Variants in VPS11 observed in about 807,000 individuals in gnomAD.
VPS11 encodes vacuolar protein sorting-associated protein 11 homolog.
Under a neutral mutation model 106.8 loss-of-function variants are expected in VPS11, and 51 were observed. The ratio of observed to expected loss-of-function variants is 0.48; its 90% confidence interval spans 0.38 to 0.60. The LOEUF is 0.60. Ranked by LOEUF, VPS11 falls within the 20% of genes least tolerant of loss-of-function variation. The pLI is 0.00. For missense variants in VPS11, 950 were observed against 1,190.0 expected (o/e 0.80, Z 2.97); for synonymous variants, 453 against 458.7 (o/e 0.99, Z 0.16).
At chr11:119,078,436 C>T in intron 11 of VPS11, 102 bp downstream of exon 11, 2 of 1,569,830 alleles carry the variant, frequency 1.3e-6, no homozygotes, top group Non-Finnish European at 1.7e-6. Flanking sequence ...CCAGTAACAC[C>T]TTACCTCGGG....
chr11:119,077,743 A>T lies in VPS11; in HGVS notation c.1572+96A>T, dbSNP rs782420048. On this transcript the variant is annotated intron_variant, in intron 9 of 15. Coordinates refer to ENST00000621676, the MANE Select transcript of VPS11 (RefSeq NM_021729.6). ...TGGGCTCAGGTGATCCTCCCACCCCATCCTCCTGAGTGGAGGTGAGACTCT... is the reference window on the plus strand; with the variant it reads ...TGGGCTCAGGTGATCCTCCCACCCCTTCCTCCTGAGTGGAGGTGAGACTCT... The T allele has an allele frequency of 2.0e-4, 303 of 1,538,416 alleles. 1 individual carries two copies. Among genetic ancestry groups the T allele is most frequent in the Non-Finnish European group, 4.6e-5 (52 of 1,138,350 alleles).
chr11:119,072,740 G>C (rs1945448053), intron 5 of VPS11: 1 of 163,012 alleles, frequency 6.1e-6, no homozygotes, highest in East Asian at 1.8e-4. Flanking sequence ...AGAGGAACAA[G>C]GGATTCAGCA....
intron 5 of VPS11, chr11:119,072,092 A>G (rs373281985): frequency 4.0e-5 from 16 of 399,428 alleles, no homozygotes; most frequent in African/African-American, 2.9e-4. Flanking sequence ...CAGCCTCCTG[A>G]ATAGCTGGGA....
chr11:119,080,952 C>T (rs540234018), intron 14 of VPS11, 140 bp from the exon 15 acceptor site: 154 of 739,634 alleles, frequency 2.1e-4, no homozygotes, highest in African/African-American at 1.9e-3. Flanking sequence ...TCCCTTAAGG[C>T]GATAAGAAGA....
At chr11:119,071,307 A>G (rs555156870) in intron 4 of VPS11, among the ~76,000 whole-genome samples, 1 of 152,192 alleles carries the variant, frequency 6.6e-6, no homozygotes, top group Non-Finnish European at 1.5e-5. Context: ...GATTTACAAC[A>G]GTCTACTCTC....
chr11:119,074,658 G>GCC (rs1465991748), intron 7 of VPS11, among the ~76,000 whole-genome samples: 1 of 152,138 alleles, frequency 6.6e-6, no homozygotes, highest in Non-Finnish European at 1.5e-5. Flanking sequence ...GCCTGCCTCG[G>GCC]CCTCCCAAAG....
intron 4 of VPS11, 153 bp downstream of exon 4, chr11:119,070,550 G>T (rs1314252864): frequency 2.5e-5 from 22 of 867,186 alleles, no homozygotes; most frequent in Non-Finnish European, 3.2e-5. Context: ...TTATTTTTTT[G>T]CCTAGGAAGC....
At position 119,081,589 on chromosome 11, in the gene VPS11, G is replaced by A. The variant is rs1377187019; in HGVS notation, c.2792G>A (p.Arg931His). 3 of 1,613,798 alleles carry A rather than the reference G, an allele frequency of 1.9e-6. No homozygotes were observed. Among genetic ancestry groups the A allele is most frequent in the Non-Finnish European group, 2.5e-6 (3 of 1,179,888 alleles). ...TCCAGCCTGGAGGCTGGGCTGCAAC[G>A]CGACCTACTCATGCACTCCAGGAGG... ...LTSSLEAGLQ[R>H]DLLMHSRRGT The change falls in exon 16 of 16, where the codon CGC becomes CAC. Residue 931 changes from arginine (R) to histidine (H), a missense_variant. Coordinates refer to ENST00000621676, the MANE Select transcript of VPS11 (RefSeq NM_021729.6).
At chr11:119,075,963 C>G (rs1945598128) in intron 7 of VPS11, among the ~76,000 whole-genome samples, 1 of 150,940 alleles carries the variant, frequency 6.6e-6, no homozygotes, top group Non-Finnish European at 1.5e-5. Flanking sequence ...GGCAGTGACT[C>G]ACGCCTGTAA....
At chr11:119,072,633 G>C (rs1234495530) in intron 5 of VPS11, 3 of 154,654 alleles carry the variant, frequency 1.9e-5, no homozygotes, top group Non-Finnish European at 4.3e-5. Flanking sequence ...CTCGTGATCT[G>C]CCTGCCTCGT....
chr11:119,073,141 A>G (rs1945462397), intron 5 of VPS11, 57 bp from the exon 6 acceptor site: 3 of 1,553,586 alleles, frequency 1.9e-6, no homozygotes, highest in East Asian at 2.4e-5. Context: ...GGGAAAGGAA[A>G]TAGGGGAGAT....
intron 6 of VPS11, 25 bp from the exon 7 acceptor site, chr11:119,073,775 T>C (rs782159861): frequency 3.8e-6 from 6 of 1,594,172 alleles, no homozygotes; most frequent in Non-Finnish European, 5.2e-6. Flanking sequence ...CTTCTACCAA[T>C]TTTCTAATCT....
At chr11:119,070,630 G>A (rs1393545374) in intron 4 of VPS11, 3 of 299,166 alleles carry the variant, frequency 1.0e-5, no homozygotes, top group African/African-American at 2.3e-5. Context: ...TTTTGAGACC[G>A]AGTCTCACTG....
chr11:119,078,887 T>C lies in VPS11; in HGVS notation c.2156T>C (p.Leu719Ser). 2 of 1,613,932 alleles carry C rather than the reference T, an allele frequency of 1.2e-6. No individual in the cohort carries two copies. The highest frequency in any genetic ancestry group is 1.7e-6 in the Non-Finnish European group (2 of 1,179,882). The change falls in exon 13 of 16, where the codon TTG becomes TCG. Residue 719 changes from leucine (L) to serine (S), a missense_variant. Physicochemically the swap from Leu to Ser is moderately radical, Grantham distance 145. Around this residue, in one of 3 missense-constraint regions of VPS11, gnomAD observed 453 missense variants for 514.6 expected, o/e 0.88. Coordinates refer to ENST00000621676, the MANE Select transcript of VPS11 (RefSeq NM_021729.6). ...CERHGEQDPSLWEQALSYFAR... is the reference protein window; with the variant it reads ...CERHGEQDPSSWEQALSYFAR... ...CGCCATGGGGAGCAGGACCCCTCCT[T>C]GTGGGAGCAGGCCCTCAGCTACTTC... is the stretch of plus-strand genomic sequence containing the variant.
intron 14 of VPS11, among the ~76,000 whole-genome samples, chr11:119,080,265 C>A (rs1385268501): frequency 1.3e-5 from 2 of 151,832 alleles, no homozygotes; most frequent in Non-Finnish European, 2.9e-5. Flanking sequence ...ACTATGTTGG[C>A]CAGGCTGGTC....
intron 3 of VPS11, among the ~76,000 whole-genome samples, 164 bp from the exon 4 acceptor site, chr11:119,070,070 C>T (rs564148119): frequency 6.7e-6 from 1 of 149,546 alleles, no homozygotes; most frequent in East Asian, 2.0e-4. Flanking sequence ...TAATTTTGTT[C>T]TTTGAAAATG....
chr11:119,071,976 G>GTTT (rs5795167), intron 5 of VPS11, 133 bp downstream of exon 5: 887 of 1,024,620 alleles, frequency 8.7e-4, no homozygotes, highest in Middle Eastern at 1.7e-3. Flanking sequence ...TAACATTTCT[G>GTTT]TTTTTTTTTT....
chr11:119,078,384 A>C (rs781791507), intron 11 of VPS11, 50 bp downstream of exon 11: 1 of 1,594,164 alleles, frequency 6.3e-7, no homozygotes, highest in Non-Finnish European at 8.5e-7. Flanking sequence ...TGCCGTCTCC[A>C]TTCTTCCGTC....
chr11:119,072,355 C>T (rs1945431307), intron 5 of VPS11: 1 of 160,712 alleles, frequency 6.2e-6, no homozygotes, highest in South Asian at 1.7e-4. Flanking sequence ...ATAGCCCTAG[C>T]ATACTAGAAT....
Sources: gnomAD v4.1 joint callset for allele counts (sites outside exome capture counted in the v4.1 genomes callset) on GRCh38, gnomAD v4.1.1 for gene constraint, gnomAD v4.1.1 regional missense constraint, MANE v1.5 for transcripts, NCBI Gene and HGNC (gene_info 2026-07-23, HGNC 2026-07-21) for gene names.